The following RIPOR2 variants were observed in gnomAD, a reference collection of about 807,000 sequenced individuals.
RIPOR2 encodes the protein RHO family interacting cell polarization regulator 2.
RIPOR2 carries 39 observed loss-of-function variants against 114.5 expected under a neutral mutation model. The observed-to-expected ratio is 0.34, with a 90% CI of 0.26 to 0.44. RIPOR2 has a LOEUF of 0.44. Among genes scored for constraint, RIPOR2 ranks in the 20% least tolerant of loss-of-function variants. The probability of loss-of-function intolerance (pLI) is 1.00; values close to 1 mark genes in which losing one functional copy is unlikely to be tolerated. For synonymous variants in RIPOR2, 445 were observed against 484.4 expected (o/e 0.92, Z 1.07); for missense variants, 1,007 against 1,255.1 (o/e 0.80, Z 2.99).
At chr6:24,959,421 C>T (rs918731210) in intron 1 of RIPOR2, among the ~76,000 whole-genome samples, 4 of 152,142 alleles carry the variant, frequency 2.6e-5, no homozygotes, top group Admixed American at 6.5e-5. Context: ...AGGAAAAGGG[C>T]TGGTAATGGA....
At chr6:25,019,866 A>G (rs920069060) in intron 1 of RIPOR2, among the ~76,000 whole-genome samples, 1 of 151,632 alleles carries the variant, frequency 6.6e-6, no homozygotes, top group Non-Finnish European at 1.5e-5. Context: ...TGTAGCTACC[A>G]TATTAAAAAT....
intron 1 of RIPOR2, among the ~76,000 whole-genome samples, chr6:24,992,846 T>C (rs1157580274): frequency 2.0e-5 from 3 of 152,216 alleles, no homozygotes; most frequent in East Asian, 1.9e-4. Context: ...TAAAACAGCA[T>C]GGTACTGGTA....
At chr6:24,952,675 C>A (rs895607377) in intron 1 of RIPOR2, among the ~76,000 whole-genome samples, 9 of 152,156 alleles carry the variant, frequency 5.9e-5, no homozygotes, top group Non-Finnish European at 1.2e-4. Context: ...TAATTGCACA[C>A]TTATATAATT....
intron 7 of RIPOR2, among the ~76,000 whole-genome samples, chr6:24,863,043 C>A (rs1053604778): frequency 6.6e-6 from 1 of 152,138 alleles, no homozygotes; most frequent in South Asian, 2.1e-4. Flanking sequence ...ACCTCTGCCT[C>A]CCAGGTTCAA....
chr6:24,827,224 G>C (rs1760270849), intron 18 of RIPOR2, among the ~76,000 whole-genome samples: 1 of 152,132 alleles, frequency 6.6e-6, no homozygotes, highest in Admixed American at 6.5e-5. Context: ...CTCTGTGCTG[G>C]TGTCTGCCTT....
chr6:24,978,373 GT>G (rs1774161415), intron 1 of RIPOR2, among the ~76,000 whole-genome samples: 1 of 152,000 alleles, frequency 6.6e-6, no homozygotes, highest in Admixed American at 6.6e-5. Context: ...ACTCCTCTCT[GT>G]GCCGCCATAC....
Position 24,873,775 on chromosome 6 carries a change from G to C in RIPOR2, c.213C>G (p.Ser71=). The C allele has an allele frequency of 1.9e-6, 3 of 1,611,668 alleles. No individual in the cohort carries two copies. The highest frequency in any genetic ancestry group is 2.5e-6 in the Non-Finnish European group (3 of 1,179,358). Residue 71 remains serine, a synonymous_variant, in exon 3 of 22, where the codon TCC becomes TCG. Transcript: ENST00000643898. ...TGGCCTGAGGCTTCTTGAGAGCGGAGGAATTTTCAATGAAGGAGTTACACC... is the reference window on the plus strand; with the variant it reads ...TGGCCTGAGGCTTCTTGAGAGCGGACGAATTTTCAATGAAGGAGTTACACC... ...RSRCNSFIEN[S]SALKKPQAKL...
chr6:24,895,438 T>TAA (rs1338667555), intron 1 of RIPOR2, among the ~76,000 whole-genome samples: 52 of 117,802 alleles, frequency 4.4e-4, no homozygotes, highest in African/African-American at 1.8e-3. Flanking sequence ...ATACGTACTT[T>TAA]AAAAAAAAAA....
intron 20 of RIPOR2, among the ~76,000 whole-genome samples, chr6:24,817,964 T>C (rs535411549): frequency 1.4e-5 from 1 of 73,290 alleles, no homozygotes; most frequent in African/African-American, 3.9e-5. Flanking sequence ...TACTTTCCTT[T>C]TCTCTCTCTC....
chr6:24,859,417 G>A (rs536411715), intron 8 of RIPOR2, among the ~76,000 whole-genome samples: 15 of 152,208 alleles, frequency 9.9e-5, no homozygotes, highest in African/African-American at 3.4e-4. Context: ...GAATTGATCA[G>A]GCTGCTGATA....
At chr6:24,877,557 C>T (rs1765924178) in intron 1 of RIPOR2, among the ~76,000 whole-genome samples, 1 of 152,160 alleles carries the variant, frequency 6.6e-6, no homozygotes, top group African/African-American at 2.4e-5. Flanking sequence ...AATGCAAGTG[C>T]AGATAAGGTT....
intron 12 of RIPOR2, among the ~76,000 whole-genome samples, chr6:24,846,301 C>CTTTTTTTTTTTTTTTT (rs1233193249): frequency 1.1e-5 from 1 of 91,720 alleles, no homozygotes; most frequent in Admixed American, 1.5e-4. Context: ...TTTCACCTGC[C>CTTTTTTTTTTTTTTTT]TTTTTTTTTT....
intron 20 of RIPOR2, 85 bp from the exon 21 acceptor site, chr6:24,809,892 C>G: frequency 3.4e-6 from 3 of 881,326 alleles, no homozygotes; most frequent in Middle Eastern, 2.3e-4. Context: ...CTGGTGGGAA[C>G]TTTAGCCTCA....
At chr6:24,917,181 C>G (rs954120706) in intron 1 of RIPOR2, among the ~76,000 whole-genome samples, 2 of 151,908 alleles carry the variant, frequency 1.3e-5, no homozygotes, top group South Asian at 4.2e-4. Context: ...TCTAGAATAG[C>G]CTTTTTGAAT....
At position 24,830,612 on chromosome 6, in the gene RIPOR2, G is replaced by A; in HGVS notation, c.2403C>T (p.Ser801=). The change falls in exon 17 of 22, where the codon AGC becomes AGT. Residue 801 remains serine, a synonymous_variant. Transcript: ENST00000643898. Reference sequence around the variant, plus strand: ...CTGGGCTGTGGTAGACACCAACAGGGCTGCAGCACTTGGTCCAGAATGACA... The same window carrying A: ...CTGGGCTGTGGTAGACACCAACAGGACTGCAGCACTTGGTCCAGAATGACA... ...SLLSFWTKCC[S]PVGVYHSPAD... 6.4e-7 allele frequency: 1 copy of A among 1,551,554 alleles called. No homozygotes were observed.
intron 1 of RIPOR2, among the ~76,000 whole-genome samples, chr6:25,000,804 A>G (rs1027398920): frequency 1.3e-5 from 2 of 152,178 alleles, no homozygotes; most frequent in Admixed American, 1.3e-4. Context: ...AGCATGCTGG[A>G]CCAGCAGCAA....
intron 1 of RIPOR2, among the ~76,000 whole-genome samples, chr6:25,039,336 T>C (rs139701158): frequency 6.6e-6 from 1 of 152,180 alleles, no homozygotes; most frequent in African/African-American, 2.4e-5. Context: ...CTTTTGTGAG[T>C]TGGAAAATGC....
At chr6:24,902,413 TACCA>T (rs1307381579) in intron 1 of RIPOR2, among the ~76,000 whole-genome samples, 1 of 152,058 alleles carries the variant, frequency 6.6e-6, no homozygotes, top group Non-Finnish European at 1.5e-5. Context: ...GCTGGAGTTT[TACCA>T]TGTTGTCCAG....
At chr6:24,887,858 G>T (rs1389083923) in intron 1 of RIPOR2, among the ~76,000 whole-genome samples, 3 of 152,120 alleles carry the variant, frequency 2.0e-5, no homozygotes, top group Non-Finnish European at 4.4e-5. Context: ...GTAGCAGCTG[G>T]CCTCACGATA....
Sources: gnomAD v4.1 joint callset for allele counts (sites outside exome capture counted in the v4.1 genomes callset) on GRCh38, gnomAD v4.1.1 for gene constraint, MANE v1.5 for transcripts, NCBI Gene and HGNC (gene_info 2026-07-23, HGNC 2026-07-21) for gene names.